CTDSPL: variants seen among roughly 807,000 people sequenced by gnomAD.
The protein encoded by CTDSPL is CTD small phosphatase-like protein.
CTDSPL carries 8 observed loss-of-function variants against 30.5 expected under a neutral mutation model. The ratio of observed to expected loss-of-function variants is 0.26; its 90% CI spans 0.15 to 0.47. The LOEUF (loss-of-function observed/expected upper bound fraction) is 0.47. Ranked by LOEUF, CTDSPL falls within the 20% of genes least tolerant of loss-of-function variation. CTDSPL has a pLI of 0.99. For synonymous variants in CTDSPL, 110 were observed against 137.9 expected, an observed-to-expected ratio of 0.80 and a Z score of 1.42; for missense variants, 248 against 366.1, an observed-to-expected ratio of 0.68 and a Z score of 2.63.
chr3:37,894,364 C>T (rs1698367848), intron 1 of CTDSPL, among the ~76,000 whole-genome samples: 2 of 152,118 alleles, frequency 1.3e-5, no homozygotes, highest in Admixed American at 6.5e-5. Flanking sequence ...ACCTCCGCCT[C>T]CCAAAGCACT....
At chr3:37,978,553 G>C (rs1204143661) in intron 7 of CTDSPL, among the ~76,000 whole-genome samples, 1 of 152,136 alleles carries the variant, frequency 6.6e-6, no homozygotes, top group Non-Finnish European at 1.5e-5. Flanking sequence ...TCATGTGCCT[G>C]TGTTTTCACT....
intron 3 of CTDSPL, among the ~76,000 whole-genome samples, chr3:37,962,515 A>G (rs868018460): frequency 4.6e-5 from 7 of 152,196 alleles, no homozygotes; most frequent in Admixed American, 6.5e-5. Flanking sequence ...AGATTGCACC[A>G]TGAGGGGTTT....
At chr3:37,969,573 G>A (rs1476952810) in intron 5 of CTDSPL, 1 of 364,868 alleles carries the variant, frequency 2.7e-6, no homozygotes, top group East Asian at 7.8e-5. Context: ...CCCTTTGCAT[G>A]TAGCAAAGCT....
intron 7 of CTDSPL, among the ~76,000 whole-genome samples, chr3:37,978,949 G>A (rs572760379): frequency 3.9e-5 from 6 of 152,196 alleles, no homozygotes; most frequent in South Asian, 4.1e-4. Context: ...ACAACGTTAC[G>A]TTTTTATGTA....
chr3:37,871,020 TTGTACAAATGTATAATTACATA>T (rs1444190860), intron 1 of CTDSPL, among the ~76,000 whole-genome samples: 3 of 152,144 alleles, frequency 2.0e-5, no homozygotes, highest in Non-Finnish European at 4.4e-5. Flanking sequence ...TTCTATGAGT[TTGTACAAATGTATAATTACATA>T]TACCTACCAT....
chr3:37,884,019 A>G (rs959582260), intron 1 of CTDSPL, among the ~76,000 whole-genome samples: 1 of 152,224 alleles, frequency 6.6e-6, no homozygotes. Flanking sequence ...GTCACTATTG[A>G]TAGGAGTCCA....
chr3:37,906,923 C>T (rs552533158), intron 1 of CTDSPL, among the ~76,000 whole-genome samples: 2 of 151,244 alleles, frequency 1.3e-5, no homozygotes, highest in Non-Finnish European at 3.0e-5. Flanking sequence ...CAAACGAAGG[C>T]GTCTGTGTTC....
rs755079056 is a variant in CTDSPL, at chr3:37,888,816, G to A, written c.79+26538G>A. Among the ~76,000 whole-genome samples the A allele has an allele frequency of 5.7e-4, 87 of 152,136 alleles. 1 individual carries two copies. The highest frequency in any genetic ancestry group is 4.7e-3 in the Admixed American group (72 of 15,268). On this transcript the variant is annotated intron_variant, in intron 1 of 7. Coordinates refer to ENST00000273179, the MANE Select transcript of CTDSPL (RefSeq NM_001008392.2). ...CTTTTTGGATATGATGCTGTAGCTG[G>A]GGGCCTTTAGATCCAGGGGTAAGGA... is the stretch of plus-strand genomic sequence containing the variant.
At chr3:37,961,253 A>G (rs1575319261) in intron 3 of CTDSPL, among the ~76,000 whole-genome samples, 1 of 152,180 alleles carries the variant, frequency 6.6e-6, no homozygotes, top group Non-Finnish European at 1.5e-5. Context: ...TCTCCCAACT[A>G]TGAGCCAGGA....
intron 4 of CTDSPL, among the ~76,000 whole-genome samples, 175 bp from the exon 5 acceptor site, chr3:37,967,651 T>TGTGC: frequency 6.6e-6 from 1 of 152,314 alleles, no homozygotes; most frequent in South Asian, 2.1e-4. Flanking sequence ...TGGAAAATAA[T>TGTGC]GTGCTTTCCT....
At chr3:37,897,120 T>C (rs1174190120) in intron 1 of CTDSPL, among the ~76,000 whole-genome samples, 3 of 152,218 alleles carry the variant, frequency 2.0e-5, no homozygotes. Context: ...CCAACTCTTC[T>C]TCATAAAGTC....
chr3:37,912,865 C>G (rs189708236), intron 1 of CTDSPL, among the ~76,000 whole-genome samples: 3 of 152,282 alleles, frequency 2.0e-5, no homozygotes, highest in Admixed American at 2.0e-4. Flanking sequence ...GCAATGGCTT[C>G]CATTTATTAA....
At chr3:37,941,434 G>A (rs9311169) in intron 1 of CTDSPL, among the ~76,000 whole-genome samples, 28,499 of 118,422 alleles carry the variant, frequency 0.24, 5,601 homozygotes, top group African/African-American at 0.51. Context: ...TTTTTTTTTT[G>A]AGACAGAGTC....
At chr3:37,887,712 G>C (rs972113127) in intron 1 of CTDSPL, among the ~76,000 whole-genome samples, 2 of 152,102 alleles carry the variant, frequency 1.3e-5, no homozygotes, top group African/African-American at 4.8e-5. Context: ...TGAAAACTGG[G>C]GTGAAATACT....
At chr3:37,866,411 C>T (rs1331050778) in intron 1 of CTDSPL, among the ~76,000 whole-genome samples, 1 of 151,998 alleles carries the variant, frequency 6.6e-6, no homozygotes, top group African/African-American at 2.4e-5. Flanking sequence ...ACAAATATTC[C>T]TCTGGGAGAA....
chr3:37,963,401 A>C (rs918854060), intron 3 of CTDSPL, among the ~76,000 whole-genome samples: 1 of 152,234 alleles, frequency 6.6e-6, no homozygotes, highest in Non-Finnish European at 1.5e-5. Flanking sequence ...TTTGAACCAA[A>C]AAAATAAAAA....
chr3:37,893,940 T>C (rs1698362183), intron 1 of CTDSPL, among the ~76,000 whole-genome samples: 1 of 152,252 alleles, frequency 6.6e-6, no homozygotes, highest in Non-Finnish European at 1.5e-5. Context: ...TGAATTGGTA[T>C]GCAAACTGCT....
At chr3:37,888,555 A>C (rs1256800153) in intron 1 of CTDSPL, among the ~76,000 whole-genome samples, 1 of 152,182 alleles carries the variant, frequency 6.6e-6, no homozygotes, top group Non-Finnish European at 1.5e-5. Context: ...GTCCGTGAGC[A>C]CTCAGCAAGT....
At chr3:37,910,532 T>TTTACTTGCTAAACTCC (rs1439751165) in intron 1 of CTDSPL, among the ~76,000 whole-genome samples, 1 of 152,158 alleles carries the variant, frequency 6.6e-6, no homozygotes, top group East Asian at 1.9e-4. Flanking sequence ...GTCTGAATAT[T>TTTACTTGCTAAACTCC]TTACTTGCTA....
Sources: gnomAD v4.1 joint callset for allele counts (sites outside exome capture counted in the v4.1 genomes callset) on GRCh38, gnomAD v4.1.1 for gene constraint, MANE v1.5 for transcripts, NCBI Gene and HGNC (gene_info 2026-07-23, HGNC 2026-07-21) for gene names.